The following PPP3CB variants were observed in gnomAD, a reference collection of about 807,000 sequenced individuals.
PPP3CB encodes the protein protein phosphatase 3 catalytic subunit beta, also known as serine/threonine-protein phosphatase 2B catalytic subunit beta isoform.
A neutral mutation model predicts 66.4 loss-of-function variants in PPP3CB; 8 were observed. The ratio of observed to expected loss-of-function variants is 0.12; its 90% confidence interval spans 0.07 to 0.22. The LOEUF is 0.22. Ranked by LOEUF, PPP3CB falls within the 10% of genes least tolerant of loss-of-function variation. The probability of loss-of-function intolerance (pLI) is 1.00; values close to 1 mark genes in which losing one functional copy is unlikely to be tolerated. For synonymous variants in PPP3CB, 208 were observed against 221.2 expected (o/e 0.94, Z 0.53); for missense variants, 319 against 642.5 (o/e 0.50, Z 5.44).
At chr10:73,447,875 CA>C (rs1344154067) in intron 10 of PPP3CB, among the ~76,000 whole-genome samples, 1 of 150,720 alleles carries the variant, frequency 6.6e-6, no homozygotes, top group Non-Finnish European at 1.5e-5. Flanking sequence ...GCACTCTAAA[CA>C]GGTATTTTTA....
chr10:73,439,946 G>A, intron 12 of PPP3CB, 45 bp from the exon 13 acceptor site: 4 of 1,571,670 alleles, frequency 2.5e-6, no homozygotes, highest in East Asian at 2.2e-5. Flanking sequence ...TGAGAGAGAT[G>A]AGAAGGGTCA....
intron 1 of PPP3CB, among the ~76,000 whole-genome samples, chr10:73,492,183 G>A (rs1011642667): frequency 1.2e-4 from 19 of 152,250 alleles, no homozygotes; most frequent in African/African-American, 4.6e-4. Flanking sequence ...CTGAAAGTCT[G>A]ATAATTTGAG....
intron 10 of PPP3CB, among the ~76,000 whole-genome samples, chr10:73,448,388 G>C: frequency 6.6e-6 from 1 of 152,060 alleles, no homozygotes; most frequent in African/African-American, 2.4e-5. Context: ...AATCATGCAG[G>C]GAAAAGTACA....
intron 1 of PPP3CB, among the ~76,000 whole-genome samples, chr10:73,490,616 C>T (rs1051624312): frequency 1.3e-5 from 2 of 152,178 alleles, no homozygotes; most frequent in African/African-American, 4.8e-5. Flanking sequence ...CTTTTCCTTA[C>T]AACTCTTGCC....
chr10:73,446,887 G>C (rs145084226), intron 10 of PPP3CB, among the ~76,000 whole-genome samples: 3 of 152,292 alleles, frequency 2.0e-5, no homozygotes, highest in Non-Finnish European at 4.4e-5. Flanking sequence ...AGCCCAACTT[G>C]CATTACAAAC....
chr10:73,477,320 G>T (rs1040941205), intron 3 of PPP3CB: 9 of 487,330 alleles, frequency 1.8e-5, no homozygotes, highest in Non-Finnish European at 3.2e-5. Context: ...AGTATGTAAA[G>T]ATGTATGAAT....
intron 1 of PPP3CB, among the ~76,000 whole-genome samples, chr10:73,482,361 G>A (rs113081746): frequency 7.4e-4 from 113 of 151,746 alleles, no homozygotes; most frequent in African/African-American, 2.5e-3. Flanking sequence ...TGGTCAACAC[G>A]GTGAAACCCC....
intron 1 of PPP3CB, among the ~76,000 whole-genome samples, chr10:73,481,860 T>C (rs2056885150): frequency 6.6e-6 from 1 of 151,840 alleles, no homozygotes; most frequent in Non-Finnish European, 1.5e-5. Context: ...TATTTTCCCT[T>C]CACAAGAAAC....
intron 1 of PPP3CB, among the ~76,000 whole-genome samples, chr10:73,483,285 C>T (rs1339982683): frequency 6.6e-6 from 1 of 152,206 alleles, no homozygotes; most frequent in Non-Finnish European, 1.5e-5. Flanking sequence ...GTCACCTACT[C>T]ATGAGTAGAG....
intron 1 of PPP3CB, 133 bp downstream of exon 1, chr10:73,495,672 G>A: frequency 7.4e-7 from 1 of 1,342,790 alleles, no homozygotes; most frequent in Non-Finnish European, 9.7e-7. Context: ...CCGCCCAGGG[G>A]CCACTCCCCA....
In PPP3CB at chr10:73,470,996, T is replaced by C. The variant is rs780998630; in HGVS notation, c.810-32A>G. ...GGGAAAAAGAGTAAATTAAGTAAAA[T>C]AATGGCTTTTCTGTATGAAGCATAT... is the stretch of plus-strand genomic sequence containing the variant. On this transcript the variant is annotated intron_variant, in intron 6 of 13. Coordinates refer to ENST00000360663, the MANE Select transcript of PPP3CB (RefSeq NM_021132.4). 6 of 1,607,164 alleles carry C rather than the reference T, an allele frequency of 3.7e-6. No homozygotes were observed. The Admixed American group carries it at 5.0e-5, about 13-fold the overall frequency.
At chr10:73,439,527 T>C (rs1463021367) in intron 13 of PPP3CB, among the ~76,000 whole-genome samples, 1 of 152,024 alleles carries the variant, frequency 6.6e-6, no homozygotes, top group Non-Finnish European at 1.5e-5. Context: ...ATGGAACAGA[T>C]CTCTATTTGC....
intron 12 of PPP3CB, among the ~76,000 whole-genome samples, chr10:73,441,313 C>T (rs2056144356): frequency 6.6e-6 from 1 of 152,126 alleles, no homozygotes; most frequent in Non-Finnish European, 1.5e-5. Context: ...AACTACATTA[C>T]AAATCGGGCA....
At chr10:73,487,658 C>T (rs1322064265) in intron 1 of PPP3CB, among the ~76,000 whole-genome samples, 2 of 148,692 alleles carry the variant, frequency 1.3e-5, no homozygotes, top group South Asian at 2.1e-4. Flanking sequence ...ACTTGTTTAA[C>T]GACACTAATT....
intron 1 of PPP3CB, among the ~76,000 whole-genome samples, chr10:73,491,040 T>G (rs1589722631): frequency 2.3e-5 from 3 of 129,428 alleles, no homozygotes; most frequent in Non-Finnish European, 3.2e-5. Context: ...TTTTTTTTTT[T>G]TTTTTTTTTT....
intron 1 of PPP3CB, among the ~76,000 whole-genome samples, chr10:73,487,301 A>G (rs948923209): frequency 2.0e-5 from 3 of 152,160 alleles, no homozygotes; most frequent in African/African-American, 7.2e-5. Context: ...TAATCCCAGT[A>G]CTTTGGGAGG....
chr10:73,485,675 T>G (rs898146643), intron 1 of PPP3CB, among the ~76,000 whole-genome samples: 5 of 152,184 alleles, frequency 3.3e-5, no homozygotes, highest in African/African-American at 1.2e-4. Context: ...TCCTTTTCAT[T>G]GAGGCCTTCA....
In PPP3CB at chr10:73,437,550, A is replaced by C. The variant is rs968523028; in HGVS notation, c.*692T>G. On this transcript the variant is annotated 3_prime_UTR_variant, in exon 14 of 14. Coordinates refer to ENST00000360663, the MANE Select transcript of PPP3CB (RefSeq NM_021132.4). The stretch of plus-strand genomic sequence containing the variant: ...TTTGAAATTTAGAGGTTTTCTTCTT[A>C]AATCTCTGGGGTGTAAGTCTTAAAA... 1 of 152,632 alleles carries C rather than the reference A, an allele frequency of 6.6e-6. No individual in the cohort carries two copies. The highest frequency in any genetic ancestry group is 2.4e-5 in the African/African-American group (1 of 41,444). 9.5% of individuals were successfully genotyped at this position (152,632 alleles called of 1,614,324 possible).
chr10:73,454,581 G>A (rs2056394307), intron 9 of PPP3CB, 92 bp from the exon 10 acceptor site: 2 of 788,294 alleles, frequency 2.5e-6, no homozygotes, highest in Non-Finnish European at 4.0e-6. Context: ...GTCAAATAAT[G>A]TTTAGCCCAA....
Sources: allele counts gnomAD v4.1 joint callset (sites outside exome capture counted in the v4.1 genomes callset), GRCh38; gene constraint gnomAD v4.1.1; transcripts MANE v1.5; gene names NCBI Gene and HGNC (gene_info 2026-07-23, HGNC 2026-07-21).